ZNF84: variants seen among roughly 807,000 people sequenced by gnomAD.
The protein encoded by ZNF84 is zinc finger protein HPF2.
Under a neutral mutation model 14.8 loss-of-function variants are expected in ZNF84, and 12 were observed. The observed-to-expected ratio is 0.81, with a 90% CI of 0.52 to 1.31. The LOEUF is 1.31. Ranked by LOEUF, ZNF84 falls within the 50% of genes most tolerant of loss-of-function variation. The pLI is 0.00. For missense variants in ZNF84, 859 were observed against 878.6 expected (o/e 0.98, Z 0.28); for synonymous variants, 347 against 291.1 (o/e 1.19, Z -1.96).
At chr12:133,042,497 A>G (rs7133210) in intron 2 of ZNF84, among the ~76,000 whole-genome samples, 1 of 152,034 alleles carries the variant, frequency 6.6e-6, no homozygotes, top group South Asian at 2.1e-4. Context: ...ACTGTACCTA[A>G]TTCATAAACT....
intron 1 of ZNF84, among the ~76,000 whole-genome samples, chr12:133,039,443 A>G (rs1953847569): frequency 6.6e-6 from 1 of 152,260 alleles, no homozygotes; most frequent in African/African-American, 2.4e-5. Flanking sequence ...TGCTTTGAAC[A>G]TAGCAGGATA....
intron 1 of ZNF84, among the ~76,000 whole-genome samples, chr12:133,038,510 A>C (rs912310031): frequency 1.3e-5 from 2 of 151,512 alleles, no homozygotes; most frequent in Non-Finnish European, 2.9e-5. Flanking sequence ...GCAGTGAGCT[A>C]TGGTTATGCC....
chr12:133,059,096 G>T lies in ZNF84; in HGVS notation c.*164G>T. 1.4e-6 allele frequency: 1 copy of T among 699,386 alleles called. No homozygotes were observed. Among genetic ancestry groups the T allele is most frequent in the African/African-American group, 1.8e-5 (1 of 56,040 alleles). The allele number at this position is 699,386 out of a possible 1,614,324, so 43.3% of individuals were successfully genotyped here. On this transcript the variant is annotated 3_prime_UTR_variant, in exon 5 of 5. Coordinates refer to ENST00000539354, the MANE Select transcript of ZNF84 (RefSeq NM_001289971.2). ...AAAGCCGATCATAATTCATAGAGTA[G>T]AGTGAACCTATGACTGCAGTGGATC...
rs992072047 is a variant in ZNF84, at chr12:133,060,160, C to T, written c.*1228C>T. 2 of 152,058 alleles carry T rather than the reference C, an allele frequency of 1.3e-5. No homozygotes were observed. Among genetic ancestry groups the T allele is most frequent in the East Asian group, 3.8e-4 (2 of 5,198 alleles). 9.4% of individuals were successfully genotyped at this position (152,058 alleles called of 1,614,324 possible). A position where few individuals can be genotyped will look rare whatever the true frequency, so the allele number is the denominator to read the frequency against. On this transcript the variant is annotated 3_prime_UTR_variant, in exon 5 of 5. Transcript: ENST00000539354. ...CTTAAGTGATATGTAACCCAAATGTCACTATTTTAATTTACTGTGATAAAG... is the reference window on the plus strand; with the variant it reads ...CTTAAGTGATATGTAACCCAAATGTTACTATTTTAATTTACTGTGATAAAG...
chr12:133,054,653 C>G (rs1954122301), intron 4 of ZNF84, among the ~76,000 whole-genome samples: 2 of 146,058 alleles, frequency 1.4e-5, no homozygotes, highest in African/African-American at 5.1e-5. Context: ...TAAACATTAA[C>G]TTGATTTAAT....
chr12:133,039,350 G>A (rs1241445163), intron 1 of ZNF84, among the ~76,000 whole-genome samples: 9 of 152,202 alleles, frequency 5.9e-5, no homozygotes, highest in African/African-American at 1.9e-4. Flanking sequence ...GTGTGCATGG[G>A]AATAGGAGCT....
At position 133,058,427 on chromosome 12, in the gene ZNF84, A is replaced by G. The variant is rs1353969054; in HGVS notation, c.1712A>G (p.Tyr571Cys). The G allele has an allele frequency of 2.2e-5, 35 of 1,613,978 alleles. No individual in the cohort carries two copies. The highest frequency in any genetic ancestry group is 6.8e-6 in the Non-Finnish European group (8 of 1,180,026). The change falls in exon 5 of 5, where the codon TAT becomes TGT. Residue 571 changes from tyrosine to cysteine, a missense_variant. Transcript: ENST00000539354. ...HQRTHTGEKP[Y>C]ECRDCEKAFS... ...AGAACTCATACTGGAGAAAAACCGTATGAATGCAGGGACTGTGAAAAAGCT... is the reference window on the plus strand; with the variant it reads ...AGAACTCATACTGGAGAAAAACCGTGTGAATGCAGGGACTGTGAAAAAGCT...
At chr12:133,040,377 C>T (rs1953865045) in intron 1 of ZNF84, 3 of 151,534 alleles carry the variant, frequency 2.0e-5, no homozygotes, top group Non-Finnish European at 4.4e-5. Context: ...TCCTGGGCAG[C>T]ATAGCGAGAT....
At position 133,058,444 on chromosome 12, in the gene ZNF84, GA is replaced by G; in HGVS notation, c.1734del (p.Ala579LeufsTer8). 6.2e-7 allele frequency: 1 copy of G among 1,614,022 alleles called. No homozygotes were observed. Among genetic ancestry groups the G allele is most frequent in the East Asian group, 2.2e-5 (1 of 44,846 alleles). ...GEKPYECRDC[E>X]KAFSQKSQLN... ...AAAACCGTATGAATGCAGGGACTGT[GA>G]AAAAGCTTTCTCCCAGAAATCACAG... On this transcript the variant is annotated frameshift_variant, in exon 5 of 5. Coordinates refer to ENST00000539354, the MANE Select transcript of ZNF84 (RefSeq NM_001289971.2). LOFTEE classifies it low-confidence loss of function (END_TRUNC).
chr12:133,041,654 G>A (rs1166304863), intron 2 of ZNF84, among the ~76,000 whole-genome samples, 172 bp downstream of exon 2: 1 of 152,220 alleles, frequency 6.6e-6, no homozygotes, highest in Non-Finnish European at 1.5e-5. Context: ...GACCATGACA[G>A]GTTCTTAGGA....
At chr12:133,056,582 CTAG>C (rs1408963193) in intron 4 of ZNF84, among the ~76,000 whole-genome samples, 1 of 152,082 alleles carries the variant, frequency 6.6e-6, no homozygotes, top group Non-Finnish European at 1.5e-5. Flanking sequence ...TCTTGTGTCT[CTAG>C]TACCTTACAC....
intron 4 of ZNF84, among the ~76,000 whole-genome samples, chr12:133,054,622 CT>C (rs137958416): frequency 1.2e-3 from 170 of 143,234 alleles, no homozygotes; most frequent in Non-Finnish European, 2.0e-3. Flanking sequence ...AGTGGCTTTC[CT>C]TTTTTTTTTT....
Position 133,057,683 on chromosome 12 carries a change from A to T in ZNF84, c.968A>T (p.Glu323Val). 3 of 1,614,008 alleles carry T rather than the reference A, an allele frequency of 1.9e-6. No individual in the cohort carries two copies. Among genetic ancestry groups the T allele is most frequent in the Non-Finnish European group, 2.5e-6 (3 of 1,179,986 alleles). The change falls in exon 5 of 5, where the codon GAA (glutamate) becomes GTA (valine). Residue 323 changes from glutamate (E) to valine (V), a missense_variant. Glu to Val is a moderately radical substitution (Grantham distance 121). Transcript: ENST00000539354. ...HTGEKPYGCN[E>V]CGRAFSEKSN... ...GGAGAGAAACCCTATGGATGCAATG[A>T]ATGTGGGAGGGCCTTTAGTGAAAAG...
At chr12:133,054,445 A>G (rs1309312973) in intron 4 of ZNF84, among the ~76,000 whole-genome samples, 1 of 152,192 alleles carries the variant, frequency 6.6e-6, no homozygotes, top group Admixed American at 6.5e-5. Flanking sequence ...AGGATAATGG[A>G]AATAGAGCTA....
At chr12:133,049,389 A>G (rs1264082366) in intron 4 of ZNF84, among the ~76,000 whole-genome samples, 2 of 151,944 alleles carry the variant, frequency 1.3e-5, no homozygotes, top group African/African-American at 2.4e-5. Flanking sequence ...ATTTCTCCCA[A>G]TTTATCCTTA....
intron 2 of ZNF84, 44 bp from the exon 3 acceptor site, chr12:133,047,911 A>G (rs1366540793): frequency 2.5e-6 from 4 of 1,604,468 alleles, no homozygotes; most frequent in Non-Finnish European, 3.4e-6. Flanking sequence ...CTCACATCAT[A>G]CGGTGTTAAC....
In ZNF84 at chr12:133,063,121, TGAGA is replaced by T. The variant is rs1954292845; in HGVS notation, c.*4194_*4197del. The T allele has an allele frequency of 1.4e-5, 10 of 702,280 alleles. No homozygotes were observed. The highest frequency in any genetic ancestry group is 2.3e-4 in the Middle Eastern group (1 of 4,364). The allele number at this position is 702,280 out of a possible 1,614,324, so 43.5% of individuals were successfully genotyped here. A position where few individuals can be genotyped will look rare whatever the true frequency, so the allele number is the denominator to read the frequency against. ...CCACATGGAGAAACATGGTCTGCAG[TGAGA>T]GAGAAGAATGAAGCCATGATGAAAG... On this transcript the variant is annotated 3_prime_UTR_variant, in exon 5 of 5. Coordinates refer to ENST00000539354, the MANE Select transcript of ZNF84 (RefSeq NM_001289971.2).
chr12:133,048,258 C>T (rs2137369508), intron 3 of ZNF84, 177 bp downstream of exon 3: 2 of 518,146 alleles, frequency 3.9e-6, no homozygotes, highest in East Asian at 6.5e-5. Context: ...TTGGGTCTCA[C>T]CTTTCAATAA....
At chr12:133,048,466 G>A (rs1355918206) in intron 3 of ZNF84, 9 of 294,396 alleles carry the variant, frequency 3.1e-5, no homozygotes, top group Admixed American at 4.6e-5. Flanking sequence ...TGAGAAGATC[G>A]AGGCCAAGAG....
Sources: allele counts gnomAD v4.1 joint callset (sites outside exome capture counted in the v4.1 genomes callset), GRCh38; gene constraint gnomAD v4.1.1; transcripts MANE v1.5; gene names NCBI Gene and HGNC (gene_info 2026-07-23, HGNC 2026-07-21).